TNRC18: variants seen among roughly 807,000 people sequenced by gnomAD.
TNRC18 encodes the protein trinucleotide repeat-containing gene 18 protein.
TNRC18 carries 69 observed loss-of-function variants against 226.7 expected under a neutral mutation model. The observed-to-expected ratio is 0.30, with a 90% CI of 0.25 to 0.37. The LOEUF (loss-of-function observed/expected upper bound fraction) is 0.37, where lower values mean the gene tolerates loss of function less well. Among genes scored for constraint, TNRC18 ranks in the 10% least tolerant of loss-of-function variants. The pLI, the probability that TNRC18 is intolerant of heterozygous loss-of-function variation, is 1.00. For synonymous variants in TNRC18, 2,449 were observed against 1,927.6 expected (o/e 1.27, Z -7.09); for missense variants, 4,754 against 4,256.6 (o/e 1.12, Z -3.25).
rs558383714 is a variant in TNRC18 at position 5,317,480 on chromosome 7, AC to A, written c.6746-1409del. ...GTGGTGCATGCCTGTAATCCCAGCTACTCCAGAAGCTGAGGCAGGAGAATCA... is the reference window on the plus strand; with the variant it reads ...GTGGTGCATGCCTGTAATCCCAGCTATCCAGAAGCTGAGGCAGGAGAATCA... On this transcript the variant is annotated intron_variant, in intron 24 of 29. Coordinates refer to ENST00000430969, the MANE Select transcript of TNRC18 (RefSeq NM_001080495.3). 1.2e-4 allele frequency among the ~76,000 whole-genome samples: 18 copies of A among 152,084 alleles called. No individual in the cohort carries two copies. In the South Asian group the frequency reaches 3.7e-3, roughly 32 times the overall value.
intron 2 of TNRC18, among the ~76,000 whole-genome samples, chr7:5,397,732 G>A (rs1780794598): frequency 6.6e-6 from 1 of 151,842 alleles, no homozygotes; most frequent in Admixed American, 6.6e-5. Context: ...CCCACCTCGG[G>A]TCTCCCTGGG....
intron 2 of TNRC18, among the ~76,000 whole-genome samples, chr7:5,401,054 A>G: frequency 6.6e-6 from 1 of 152,078 alleles, no homozygotes; most frequent in East Asian, 1.9e-4. Context: ...ATTAAAAATT[A>G]AAACTAAGGC....
chr7:5,343,853 G>A (rs748134931), intron 18 of TNRC18, among the ~76,000 whole-genome samples: 7 of 152,322 alleles, frequency 4.6e-5, no homozygotes, highest in Admixed American at 6.5e-5. Flanking sequence ...ACATTCACGT[G>A]ACTTGCTTTA....
chr7:5,339,624 C>G (rs764781968), intron 18 of TNRC18, among the ~76,000 whole-genome samples: 1 of 151,210 alleles, frequency 6.6e-6, no homozygotes, highest in Non-Finnish European at 1.5e-5. Context: ...GAGGGCAGTG[C>G]AATGGCCCGA....
At chr7:5,407,462 T>A (rs937601625) in intron 2 of TNRC18, 4 of 152,232 alleles carry the variant, frequency 2.6e-5, no homozygotes, top group African/African-American at 9.6e-5. Context: ...AAGCCATCCC[T>A]GACTTCCCCA....
intron 10 of TNRC18, among the ~76,000 whole-genome samples, chr7:5,373,123 A>G (rs367984739): frequency 6.6e-6 from 1 of 152,118 alleles, no homozygotes; most frequent in South Asian, 2.1e-4. Flanking sequence ...GCCCGACTGC[A>G]CTCCAGCCTG....
intron 2 of TNRC18, among the ~76,000 whole-genome samples, chr7:5,418,616 A>G (rs2128223780): frequency 6.6e-6 from 1 of 152,304 alleles, no homozygotes; most frequent in East Asian, 1.9e-4. Context: ...ACCCCAAGCA[A>G]GTGGCTCAAC....
intron 2 of TNRC18, chr7:5,420,070 G>T (rs961282847): frequency 4.3e-6 from 1 of 230,496 alleles, no homozygotes; most frequent in African/African-American, 2.4e-5. Flanking sequence ...GTCCTGGGGC[G>T]GCCGCCGGGC....
At position 5,307,218 on chromosome 7, in the gene TNRC18, T is replaced by A. The variant is rs1786624693; in HGVS notation, c.*888A>T. On this transcript the variant is annotated 3_prime_UTR_variant, in exon 30 of 30. Coordinates refer to ENST00000430969, the MANE Select transcript of TNRC18 (RefSeq NM_001080495.3). The stretch of plus-strand genomic sequence containing the variant: ...CTGCACGTCAGAATGTTTTTTTTTA[T>A]AATTTCATAGCTATTTTTCACAGTT... 6.8e-6 allele frequency: 1 copy of A among 146,546 alleles called. No homozygotes were observed. Among genetic ancestry groups the A allele is most frequent in the Non-Finnish European group, 1.5e-5 (1 of 66,640 alleles). The allele number at this position is 146,546 out of a possible 1,614,324, so 9.1% of individuals were successfully genotyped here.
At chr7:5,409,570 C>T (rs1477332650) in intron 2 of TNRC18, among the ~76,000 whole-genome samples, 1 of 151,580 alleles carries the variant, frequency 6.6e-6, no homozygotes, top group African/African-American at 2.4e-5. Flanking sequence ...GCCCCAGTAA[C>T]ACAGGGAGAC....
chr7:5,324,461 A>C lies in TNRC18; in HGVS notation c.6301-106T>G. The C allele has an allele frequency of 6.9e-7, 1 of 1,458,108 alleles. No homozygotes were observed. The highest frequency in any genetic ancestry group is 2.3e-5 in the East Asian group (1 of 43,616). 90.3% of individuals were successfully genotyped at this position (1,458,108 alleles called of 1,614,324 possible). ...GGAGCCACAGTCAGGCCGCAGGGGG[A>C]ATCTGTCATGTGCATGGCAGGGATC... On this transcript the variant is annotated intron_variant, in intron 20 of 29. Transcript: ENST00000430969. The surrounding 1 kb of genome is among the most constrained non-coding windows in gnomAD (Gnocchi z 4.8).
chr7:5,324,159 C>T lies in TNRC18; in HGVS notation c.6442+55G>A, dbSNP rs1788654326. The T allele has an allele frequency of 2.0e-6, 3 of 1,535,652 alleles. No individual in the cohort carries two copies. Among genetic ancestry groups the T allele is most frequent in the South Asian group, 1.2e-5 (1 of 84,066 alleles). ...TCAAGCCTTGCTCAGATCTGCCTCC[C>T]CCAAGGGAGGCTCCAGCAGCCCCGC... On this transcript the variant is annotated intron_variant, in intron 21 of 29. Coordinates refer to ENST00000430969, the MANE Select transcript of TNRC18 (RefSeq NM_001080495.3). This position sits in a 1 kb window ranked among gnomAD's most constrained non-coding sequence, Gnocchi z 4.8.
chr7:5,370,644 A>C lies in TNRC18; in HGVS notation c.3950T>G (p.Leu1317Arg). Reference sequence around the variant, plus strand: ...CTCTTCCAGGAAGCAGGTGCTGCCGAGTACAGGCACGGCCTCTTGGGGCTC... The same window carrying C: ...CTCTTCCAGGAAGCAGGTGCTGCCGCGTACAGGCACGGCCTCTTGGGGCTC... ...SLEPQEAVPV[L>R]GSTCFLEEAS... is the part of the protein sequence containing the mutation. Residue 1317 changes from leucine to arginine, a missense_variant, in exon 11 of 30, where the codon CTC becomes CGC. Leu to Arg is a moderately radical substitution (Grantham distance 102, BLOSUM62 -2). Coordinates refer to ENST00000430969, the MANE Select transcript of TNRC18 (RefSeq NM_001080495.3). 6.2e-7 allele frequency: 1 copy of C among 1,613,014 alleles called. No homozygotes were observed. The highest frequency in any genetic ancestry group is 8.5e-7 in the Non-Finnish European group (1 of 1,179,804).
Position 5,388,177 on chromosome 7 carries a change from C to T in TNRC18, c.1647G>A (p.Lys549=). Residue 549 remains lysine (K), a synonymous_variant, in exon 5 of 30, where the codon AAG becomes AAA. Coordinates refer to ENST00000430969, the MANE Select transcript of TNRC18 (RefSeq NM_001080495.3). ...AAVVAASSSK[K]AYLDPGAVLP... Reference sequence around the variant, plus strand: ...GCACAGCCCCAGGGTCCAGGTAGGCCTTCTTGGAGGAGGAGGCAGCGACCA... The same window carrying T: ...GCACAGCCCCAGGGTCCAGGTAGGCTTTCTTGGAGGAGGAGGCAGCGACCA... 1 of 1,583,120 alleles carries T rather than the reference C, an allele frequency of 6.3e-7. No homozygotes were observed. Among genetic ancestry groups the T allele is most frequent in the Non-Finnish European group, 8.6e-7 (1 of 1,166,540 alleles).
At chr7:5,310,613 C>T (rs972280375) in intron 27 of TNRC18, among the ~76,000 whole-genome samples, 1 of 151,982 alleles carries the variant, frequency 6.6e-6, no homozygotes, top group African/African-American at 2.4e-5. Flanking sequence ...CAGCTCACTG[C>T]AGCCTTGACC....
chr7:5,415,783 T>G (rs916111407), intron 2 of TNRC18, among the ~76,000 whole-genome samples: 17 of 151,858 alleles, frequency 1.1e-4, no homozygotes, highest in Non-Finnish European at 2.2e-4. Context: ...GTTGGCAACT[T>G]TCACTGTTGG....
rs188644215 is a variant in TNRC18 at position 5,363,561 on chromosome 7, G to A, written c.4220-736C>T. Among the ~76,000 whole-genome samples the A allele has an allele frequency of 5.6e-3, 855 of 152,170 alleles. 24 individuals carry two copies. The highest frequency in any genetic ancestry group is 0.048 in the Admixed American group (740 of 15,290). ...GGAGCTTGCAGTAAGCCGAGATGGC[G>A]CCACTGCACTCCAGCCTGGGTGACA... On this transcript the variant is annotated intron_variant, in intron 11 of 29. Transcript: ENST00000430969.
intron 5 of TNRC18, among the ~76,000 whole-genome samples, chr7:5,380,752 C>A (rs978046277): frequency 1.3e-5 from 2 of 152,200 alleles, no homozygotes; most frequent in African/African-American, 4.8e-5. Flanking sequence ...AGGGCAGTGA[C>A]AGGTCTCAGG....
chr7:5,404,617 G>A (rs1277885050), intron 2 of TNRC18, among the ~76,000 whole-genome samples: 1 of 152,092 alleles, frequency 6.6e-6, no homozygotes, highest in Non-Finnish European at 1.5e-5. Flanking sequence ...GGCTTACCGA[G>A]GACTGCAGGC....
Sources: gnomAD v4.1 joint callset for allele counts (sites outside exome capture counted in the v4.1 genomes callset) on GRCh38, gnomAD v4.1.1 for gene constraint, Gnocchi (gnomAD v3.1) non-coding constraint, MANE v1.5 for transcripts, NCBI Gene and HGNC (gene_info 2026-07-23, HGNC 2026-07-21) for gene names.